TUSC3: variants seen among roughly 807,000 people sequenced by gnomAD.
The protein encoded by TUSC3 is tumor suppressor candidate 3, also known as dolichyl-diphosphooligosaccharide--protein glycosyltransferase subunit TUSC3.
A neutral mutation model predicts 44.8 loss-of-function variants in TUSC3; 45 were observed. The observed-to-expected ratio is 1.00, with a 90% CI of 0.79 to 1.29. TUSC3 has a LOEUF of 1.29. Ranked by LOEUF, TUSC3 falls within the 50% of genes most tolerant of loss-of-function variation. TUSC3 has a pLI of 0.00. For synonymous variants in TUSC3, 212 were observed against 152.9 expected (o/e 1.39, Z -2.85); for missense variants, 519 against 437.9 (o/e 1.19, Z -1.65).
chr8:15,569,581 C>G (rs909484181), intron 1 of TUSC3, among the ~76,000 whole-genome samples: 14 of 152,052 alleles, frequency 9.2e-5, no homozygotes, highest in African/African-American at 3.1e-4. Context: ...ATGATTCAAA[C>G]CAGGACATGT....
downstream of TUSC3, among the ~76,000 whole-genome samples, chr8:15,770,877 A>G (rs541347877): frequency 1.8e-4 from 28 of 152,188 alleles, no homozygotes; most frequent in South Asian, 1.0e-3. Flanking sequence ...CAAACTTACC[A>G]AATCTGAAAA....
chr8:15,750,164 A>G (rs1425867781), intron 9 of TUSC3, among the ~76,000 whole-genome samples: 2 of 151,772 alleles, frequency 1.3e-5, no homozygotes, highest in Non-Finnish European at 2.9e-5. Flanking sequence ...TATTTTTAGT[A>G]GACGCAGAGT....
intron 1 of TUSC3, among the ~76,000 whole-genome samples, chr8:15,480,252 T>C (rs1047211143): frequency 4.6e-5 from 7 of 152,198 alleles, no homozygotes; most frequent in Admixed American, 2.6e-4. Flanking sequence ...AATGCCCATA[T>C]TGCCCAAAGT....
intron 1 of TUSC3, among the ~76,000 whole-genome samples, chr8:15,425,492 G>C (rs751167945): frequency 6.6e-6 from 1 of 152,214 alleles, no homozygotes; most frequent in African/African-American, 2.4e-5. Context: ...ATAAGAAGAT[G>C]CAGAAGGCAA....
At chr8:15,721,418 A>G (rs935025775) in intron 6 of TUSC3, among the ~76,000 whole-genome samples, 2 of 152,060 alleles carry the variant, frequency 1.3e-5, no homozygotes, top group African/African-American at 4.8e-5. Context: ...GAGAATATTA[A>G]TGTTCCTTGA....
intron 1 of TUSC3, among the ~76,000 whole-genome samples, chr8:15,420,065 G>A (rs955046189): frequency 6.6e-6 from 1 of 152,080 alleles, no homozygotes; most frequent in Non-Finnish European, 1.5e-5. Flanking sequence ...TATTTTTGAT[G>A]TAATGATGCC....
the TUSC3 span, among the ~76,000 whole-genome samples, chr8:15,817,005 T>C: frequency 6.6e-6 from 1 of 152,326 alleles, no homozygotes; most frequent in South Asian, 2.1e-4. Flanking sequence ...GGCCAGAAAC[T>C]GAAGTTACTG....
At chr8:15,678,543 T>G (rs1808285346) in intron 6 of TUSC3, among the ~76,000 whole-genome samples, 1 of 152,204 alleles carries the variant, frequency 6.6e-6, no homozygotes, top group African/African-American at 2.4e-5. Flanking sequence ...GCCAATATCA[T>G]ATGTCTTGTA....
At chr8:15,448,837 A>G (rs1002470958) in intron 1 of TUSC3, among the ~76,000 whole-genome samples, 7 of 152,200 alleles carry the variant, frequency 4.6e-5, no homozygotes, top group Admixed American at 4.6e-4. Flanking sequence ...AACAGACTCT[A>G]TATATGATGG....
At chr8:15,563,188 T>A (rs1802540796) in intron 1 of TUSC3, among the ~76,000 whole-genome samples, 1 of 152,170 alleles carries the variant, frequency 6.6e-6, no homozygotes, top group Non-Finnish European at 1.5e-5. Context: ...ACTATAAAAT[T>A]AAAGTGATGA....
At chr8:15,460,569 T>C (rs1263927440) in intron 1 of TUSC3, among the ~76,000 whole-genome samples, 1 of 152,202 alleles carries the variant, frequency 6.6e-6, no homozygotes, top group African/African-American at 2.4e-5. Flanking sequence ...TTTATTCCAT[T>C]TGCTTTTGGG....
chr8:15,441,946 C>T (rs2129118593), intron 1 of TUSC3, among the ~76,000 whole-genome samples: 1 of 152,256 alleles, frequency 6.6e-6, no homozygotes, highest in Middle Eastern at 3.4e-3. Flanking sequence ...GGAGAAACTC[C>T]TATCCGGTCT....
At chr8:15,491,973 G>C (rs1216942186) in intron 2 of TUSC3, among the ~76,000 whole-genome samples, 1 of 152,074 alleles carries the variant, frequency 6.6e-6, no homozygotes, top group Non-Finnish European at 1.5e-5. Flanking sequence ...ACTACTTATA[G>C]TTACCTCAAA....
At chr8:15,804,300 T>G in the TUSC3 span, among the ~76,000 whole-genome samples, 1 of 152,204 alleles carries the variant, frequency 6.6e-6, no homozygotes. Context: ...TTACTCTGTT[T>G]ATAGTTTGTT....
intron 2 of TUSC3, among the ~76,000 whole-genome samples, chr8:15,649,567 G>C (rs1806792267): frequency 1.3e-5 from 2 of 148,274 alleles, no homozygotes; most frequent in Admixed American, 6.7e-5. Flanking sequence ...CTGGGCGACA[G>C]AGCAAGACTC....
chr8:15,659,486 T>A (rs1405454852), intron 3 of TUSC3, 21 bp from the exon 4 acceptor site: 3 of 1,608,858 alleles, frequency 1.9e-6, no homozygotes, highest in Non-Finnish European at 1.7e-6. Context: ...ATATTTAGTA[T>A]TTTTTTCTCA....
At chr8:15,654,460 T>G (rs1043917703) in intron 3 of TUSC3, among the ~76,000 whole-genome samples, 3 of 152,180 alleles carry the variant, frequency 2.0e-5, no homozygotes, top group Non-Finnish European at 4.4e-5. Flanking sequence ...ACATTAGAGA[T>G]ATATTTTTTA....
At chr8:15,584,419 T>C (rs1228149896) in intron 1 of TUSC3, among the ~76,000 whole-genome samples, 3 of 152,188 alleles carry the variant, frequency 2.0e-5, no homozygotes. Flanking sequence ...TCATTGATCA[T>C]GCATTAAATG....
rs112410569 is a variant in TUSC3 at position 15,520,769 on chromosome 8, A to G, written n.189+37286A>G. ...CCACAAGAAATTTCCTACAAACACC[A>G]TAAAGTATTCAACAAACATACAGTA... is the stretch of plus-strand genomic sequence containing the variant. On this transcript the variant is annotated intron_variant and non_coding_transcript_variant, in intron 2 of 5. Transcript: ENST00000503191. Among the ~76,000 whole-genome samples the G allele has an allele frequency of 5.5e-3, 838 of 152,306 alleles. 6 individuals carry two copies. The highest frequency in any genetic ancestry group is 9.2e-3 in the Non-Finnish European group (627 of 68,022).
Sources: allele counts gnomAD v4.1 joint callset (sites outside exome capture counted in the v4.1 genomes callset), GRCh38; gene constraint gnomAD v4.1.1; transcripts MANE v1.5; gene names NCBI Gene and HGNC (gene_info 2026-07-23, HGNC 2026-07-21).